Variants in ECT2L observed in about 807,000 individuals in gnomAD.
ECT2L encodes epithelial cell-transforming sequence 2 oncogene-like.
Under a neutral mutation model 122.8 loss-of-function variants are expected in ECT2L, and 126 were observed. That is an observed-to-expected ratio of 1.03 (90% CI 0.89 to 1.19). The LOEUF (loss-of-function observed/expected upper bound fraction) is 1.19. Among genes scored for constraint, ECT2L ranks in the 50% most tolerant of loss-of-function variants. The probability of loss-of-function intolerance (pLI) is 0.00; values close to 1 mark genes in which losing one functional copy is unlikely to be tolerated. For missense variants in ECT2L, 1,012 were observed against 1,064.1 expected (o/e 0.95, Z 0.68); for synonymous variants, 385 against 381.8 (o/e 1.01, Z -0.10).
intron 12 of ECT2L, among the ~76,000 whole-genome samples, chr6:138,867,174 C>T (rs1269807491): frequency 6.6e-6 from 1 of 152,166 alleles, no homozygotes; most frequent in Non-Finnish European, 1.5e-5. Context: ...GAGAGTCTTA[C>T]ATTTAAATTT....
intron 13 of ECT2L, among the ~76,000 whole-genome samples, chr6:138,874,655 A>G (rs1038966579): frequency 2.0e-5 from 3 of 152,204 alleles, no homozygotes; most frequent in Admixed American, 2.0e-4. Flanking sequence ...CTGTACAGTC[A>G]GGTGATCTCC....
intron 6 of ECT2L, 142 bp downstream of exon 6, chr6:138,843,373 T>C (rs762126948): frequency 8.2e-5 from 66 of 809,644 alleles, no homozygotes; most frequent in Admixed American, 1.5e-4. Context: ...TGAGCTTTTT[T>C]CCGTACTGTA....
chr6:138,820,526 C>A (rs1181480092), intron 4 of ECT2L, among the ~76,000 whole-genome samples: 1 of 151,658 alleles, frequency 6.6e-6, no homozygotes, highest in Non-Finnish European at 1.5e-5. Context: ...CTGAAGCTGC[C>A]GTTAATTGTT....
chr6:138,814,831 G>A (rs1015054534), intron 4 of ECT2L, among the ~76,000 whole-genome samples: 6 of 152,172 alleles, frequency 3.9e-5, no homozygotes, highest in Non-Finnish European at 8.8e-5. Flanking sequence ...ACTGTTTCAT[G>A]TTGGCAAAAA....
chr6:138,845,941 C>T (rs1009666925), intron 7 of ECT2L, among the ~76,000 whole-genome samples: 4 of 152,058 alleles, frequency 2.6e-5, no homozygotes, highest in Admixed American at 6.5e-5. Context: ...TGTGATGGTA[C>T]ACACCTGTGG....
chr6:138,848,387 A>T (rs1582609136), intron 8 of ECT2L, among the ~76,000 whole-genome samples: 1 of 152,290 alleles, frequency 6.6e-6, no homozygotes, highest in Middle Eastern at 3.4e-3. Context: ...TGGTTTTTCT[A>T]TAATGAAGTT....
chr6:138,862,760 A>C (rs1351000817), intron 11 of ECT2L, 41 bp downstream of exon 11: 1 of 1,523,034 alleles, frequency 6.6e-7, no homozygotes, highest in African/African-American at 1.4e-5. Context: ...CAATAACACA[A>C]GCCAACTCCA....
intron 9 of ECT2L, among the ~76,000 whole-genome samples, chr6:138,853,114 T>C (rs1267277476): frequency 6.6e-6 from 1 of 152,048 alleles, no homozygotes; most frequent in Non-Finnish European, 1.5e-5. Flanking sequence ...ACTACAGGTG[T>C]GCACCACCAC....
rs182370964 is a variant in ECT2L, at chr6:138,885,537, T to C, written c.2060T>C (p.Phe687Ser). The C allele has an allele frequency of 2.2e-5, 36 of 1,614,210 alleles. No individual in the cohort carries two copies. The highest frequency in any genetic ancestry group is 6.7e-5 in the Admixed American group (4 of 60,022). ...GAAATGATACCAGCATTCCGAACTT[T>C]CCTGAAGAGGCATGATAAGACCATT... ...CREMIPAFRT[F>S]LKRHDKTIVT... The change falls in exon 17 of 22, where the codon TTC becomes TCC. Residue 687 changes from phenylalanine (F) to serine (S), a missense_variant. Transcript: ENST00000541398.
chr6:138,844,471 A>T lies in ECT2L; in HGVS notation c.655A>T (p.Lys219Ter), dbSNP rs1777151558. Residue 219 changes from lysine to a stop codon, truncating the protein, a stop_gained, in exon 7 of 22, where the codon AAG (lysine) becomes TAG (stop). Transcript: ENST00000541398. LOFTEE classifies it high-confidence loss of function. Reference protein sequence around the residue: ...VSGTCCSSVLKPRCQPRLSQT... With the variant: ...VSGTCCSSVL The stretch of plus-strand genomic sequence containing the variant: ...TGGAACTTGCTGCTCTAGCGTGCTA[A>T]AGCCCAGATGCCAACCACGCCTCTC... 1 of 1,614,058 alleles carries T rather than the reference A, an allele frequency of 6.2e-7. No individual in the cohort carries two copies. Among genetic ancestry groups the T allele is most frequent in the Non-Finnish European group, 8.5e-7 (1 of 1,180,042 alleles).
chr6:138,830,232 C>T (rs1016245046), intron 4 of ECT2L, among the ~76,000 whole-genome samples: 1 of 152,202 alleles, frequency 6.6e-6, no homozygotes, highest in Admixed American at 6.5e-5. Flanking sequence ...GCTTCTACCA[C>T]TGTGTTCTGT....
chr6:138,900,981 C>T lies in ECT2L; in HGVS notation c.2448C>T (p.Phe816=). ...LYEHIHDLSL[F]LFNDALLVSS... ...AACACATCCATGATCTCAGCCTTTT[C>T]CTCTTCAATGATGCCCTGCTCGTTT... The change falls in exon 21 of 22, where the codon TTC becomes TTT. Residue 816 remains phenylalanine (F), a synonymous_variant. Coordinates refer to ENST00000541398, the MANE Select transcript of ECT2L (RefSeq NM_001077706.3). 1 of 1,614,162 alleles carries T rather than the reference C, an allele frequency of 6.2e-7. No homozygotes were observed. Among genetic ancestry groups the T allele is most frequent in the Non-Finnish European group, 8.5e-7 (1 of 1,180,010 alleles).
chr6:138,801,387 T>A (rs1265850590), intron 1 of ECT2L, among the ~76,000 whole-genome samples: 3 of 152,110 alleles, frequency 2.0e-5, no homozygotes, highest in Non-Finnish European at 4.4e-5. Flanking sequence ...AAGGCCCAGA[T>A]AATAAATATT....
In ECT2L at chr6:138,844,396, G is replaced by C; in HGVS notation, c.596-16G>C. On this transcript the variant is annotated splice_polypyrimidine_tract_variant and intron_variant, in intron 6 of 21. Coordinates refer to ENST00000541398, the MANE Select transcript of ECT2L (RefSeq NM_001077706.3). ...TATGAAGTAATCAGCCCCGCCTGCT[G>C]TTCTTTGTTTTTCAGAGGAGTTATT... 1.9e-6 allele frequency: 3 copies of C among 1,611,594 alleles called. No individual in the cohort carries two copies. Among genetic ancestry groups the C allele is most frequent in the Non-Finnish European group, 2.5e-6 (3 of 1,178,170 alleles).
chr6:138,813,507 T>G (rs1237711583), intron 3 of ECT2L, among the ~76,000 whole-genome samples, 167 bp downstream of exon 3: 3 of 152,228 alleles, frequency 2.0e-5, no homozygotes, highest in Admixed American at 2.0e-4. Context: ...CAGTCTCTTC[T>G]CACCCCAGTT....
At chr6:138,879,917 C>T (rs1188859) in intron 14 of ECT2L, among the ~76,000 whole-genome samples, 51,875 of 151,816 alleles carry the variant, frequency 0.34, 9,494 homozygotes, top group Admixed American at 0.42. Context: ...CACACCACTG[C>T]ACTCCAGCCT....
intron 20 of ECT2L, among the ~76,000 whole-genome samples, chr6:138,897,027 A>G (rs963012039): frequency 6.6e-6 from 1 of 152,204 alleles, no homozygotes; most frequent in African/African-American, 2.4e-5. Context: ...GCTGGCTAAT[A>G]CAGTAGTTTA....
intron 4 of ECT2L, among the ~76,000 whole-genome samples, chr6:138,832,278 T>G (rs1198980872): frequency 6.6e-6 from 1 of 152,140 alleles, no homozygotes; most frequent in Non-Finnish European, 1.5e-5. Context: ...TGTTAAAATC[T>G]CTTGGATTCT....
rs147177282 is a variant in ECT2L at position 138,844,376 on chromosome 6, A to G, written c.596-36A>G. 4.1e-4 allele frequency: 653 copies of G among 1,602,440 alleles called. 2 individuals carry two copies. In the African/African-American group the frequency reaches 7.6e-3, roughly 19 times the overall value. On this transcript the variant is annotated intron_variant, in intron 6 of 21. Coordinates refer to ENST00000541398, the MANE Select transcript of ECT2L (RefSeq NM_001077706.3). ...GTGGACTTGGCTGGGAGAAGTATGAAGTAATCAGCCCCGCCTGCTGTTCTT... is the reference window on the plus strand; with the variant it reads ...GTGGACTTGGCTGGGAGAAGTATGAGGTAATCAGCCCCGCCTGCTGTTCTT...
Sources: gnomAD v4.1 joint callset for allele counts (sites outside exome capture counted in the v4.1 genomes callset) on GRCh38, gnomAD v4.1.1 for gene constraint, MANE v1.5 for transcripts, NCBI Gene and HGNC (gene_info 2026-07-23, HGNC 2026-07-21) for gene names.